The following HACD1 variants were observed in gnomAD, a reference collection of about 807,000 sequenced individuals.
HACD1 encodes the protein 3-hydroxyacyl-CoA dehydratase 1.
HACD1 carries 41 observed loss-of-function variants against 32.0 expected under a neutral mutation model. The ratio of observed to expected loss-of-function variants is 1.28; its 90% confidence interval spans 1.00 to 1.66. The LOEUF (loss-of-function observed/expected upper bound fraction) is 1.66. HACD1 is among the 40% of genes most tolerant of loss of function. HACD1 has a pLI of 0.00. For synonymous variants in HACD1, 142 were observed against 139.0 expected, an observed-to-expected ratio of 1.02 and a Z score of -0.15; for missense variants, 396 against 380.1, an observed-to-expected ratio of 1.04 and a Z score of -0.35.
At position 17,594,535 on chromosome 10, in the gene HACD1, T is replaced by G. The variant is rs45576632; in HGVS notation, c.606-152A>C. 2,114 of 555,718 alleles carry G rather than the reference T, an allele frequency of 3.8e-3. 14 individuals carry two copies. Among genetic ancestry groups the G allele is most frequent in the Non-Finnish European group, 5.0e-3 (1,784 of 358,762 alleles). 34.4% of individuals were successfully genotyped at this position (555,718 alleles called of 1,614,324 possible). A position where few individuals can be genotyped will look rare whatever the true frequency, so the allele number is the denominator to read the frequency against. ...TTACGTAAGGTTAATAGTTCTACTT[T>G]AATCATTTGCTTATTGATTATCATC... On this transcript the variant is annotated intron_variant, in intron 5 of 6. Coordinates refer to ENST00000361271, the MANE Select transcript of HACD1 (RefSeq NM_014241.4).
rs1554816273 is a variant in HACD1, at chr10:17,599,308, T to A, written c.587A>T (p.Tyr196Phe). ...TCGCCACCTGGCCCATTTAATGAAG[T>A]ATGGCAAGTGGTCAAGAAGGCTGAA... Reference protein sequence around the residue: ...YTFSLLDHLPYFIKWARYNFF... With the variant: ...YTFSLLDHLPFFIKWARYNFF... The change falls in exon 5 of 7, where the codon TAC (tyrosine) becomes TTC (phenylalanine). Residue 196 changes from tyrosine (Y) to phenylalanine (F), a missense_variant. Physicochemically the swap from Tyr to Phe is conservative, Grantham distance 22. Coordinates refer to ENST00000361271, the MANE Select transcript of HACD1 (RefSeq NM_014241.4). The A allele has an allele frequency of 3.1e-6, 5 of 1,614,000 alleles. No homozygotes were observed. The Middle Eastern group carries it at 8.2e-4, about 266-fold the overall frequency.
intron 5 of HACD1, chr10:17,599,025 T>C (rs1424071413): frequency 1.5e-5 from 7 of 465,544 alleles, no homozygotes; most frequent in Non-Finnish European, 2.2e-5. Flanking sequence ...CAAAAAAAAA[T>C]GAATGACTAA....
intron 1 of HACD1, among the ~76,000 whole-genome samples, chr10:17,606,571 C>T (rs968511883): frequency 3.9e-5 from 6 of 152,170 alleles, no homozygotes; most frequent in Non-Finnish European, 7.3e-5. Context: ...TCAAAGAACA[C>T]TCATACAGTG....
chr10:17,605,527 GA>G (rs200314155), intron 1 of HACD1, among the ~76,000 whole-genome samples: 36,015 of 126,390 alleles, frequency 0.28, 4,597 homozygotes, highest in African/African-American at 0.32. Flanking sequence ...TCCATCTCGG[GA>G]AAAAAAAAAA....
intron 5 of HACD1, among the ~76,000 whole-genome samples, chr10:17,596,618 T>C (rs1362365026): frequency 1.3e-5 from 2 of 152,050 alleles, no homozygotes; most frequent in African/African-American, 4.8e-5. Context: ...TTGACTTTAC[T>C]TGCACTTCAA....
At chr10:17,603,077 AG>A (rs1554816698) in intron 4 of HACD1, 2 of 153,104 alleles carry the variant, frequency 1.3e-5, no homozygotes, top group African/African-American at 4.8e-5. Context: ...TAGTAGGAAC[AG>A]GGTTTCACCA....
At chr10:17,596,502 A>G (rs1339598837) in intron 5 of HACD1, among the ~76,000 whole-genome samples, 13 of 147,362 alleles carry the variant, frequency 8.8e-5, no homozygotes, top group Admixed American at 6.7e-4. Context: ...TTTTTTTGGC[A>G]GGATTGTTCT....
intron 4 of HACD1, among the ~76,000 whole-genome samples, chr10:17,600,542 T>G (rs1588987310): frequency 6.6e-6 from 1 of 152,044 alleles, no homozygotes; most frequent in Non-Finnish European, 1.5e-5. Flanking sequence ...GCCAGGCTGG[T>G]CTCGAATTCC....
chr10:17,609,610 A>G (rs1834201490), intron 1 of HACD1, among the ~76,000 whole-genome samples: 1 of 152,222 alleles, frequency 6.6e-6, no homozygotes, highest in Non-Finnish European at 1.5e-5. Flanking sequence ...TAAAATTACA[A>G]TGACTGACCA....
Position 17,617,069 on chromosome 10 carries a change from C to G in HACD1, c.257+14G>C, listed in dbSNP as rs956469457. ...GCGCGGGGAGGGCCCGAGGGTGCCC[C>G]GCGGCGCGCGTACCCCGCGGTCATG... On this transcript the variant is annotated intron_variant, in intron 1 of 6. Transcript: ENST00000361271. 1 of 1,471,556 alleles carries G rather than the reference C, an allele frequency of 6.8e-7. No homozygotes were observed. The highest frequency in any genetic ancestry group is 2.4e-5 in the Admixed American group (1 of 41,122). The allele number at this position is 1,471,556 out of a possible 1,614,324, so 91.2% of individuals were successfully genotyped here.
intron 5 of HACD1, among the ~76,000 whole-genome samples, chr10:17,597,484 G>C (rs1448258932): frequency 6.6e-6 from 1 of 151,956 alleles, no homozygotes; most frequent in Non-Finnish European, 1.5e-5. Flanking sequence ...ACATACGATG[G>C]CAGAGTTTTT....
In HACD1 at chr10:17,589,059, A is replaced by G. The variant is rs1457883255; in HGVS notation, c.*1305T>C. 2 of 152,330 alleles carry G rather than the reference A, an allele frequency of 1.3e-5. No homozygotes were observed. The highest frequency in any genetic ancestry group is 3.9e-4 in the East Asian group (2 of 5,190). 9.4% of individuals were successfully genotyped at this position (152,330 alleles called of 1,614,324 possible). A position where few individuals can be genotyped will look rare whatever the true frequency, so the allele number is the denominator to read the frequency against. On this transcript the variant is annotated 3_prime_UTR_variant, in exon 7 of 7. Coordinates refer to ENST00000361271, the MANE Select transcript of HACD1 (RefSeq NM_014241.4). Reference sequence around the variant, plus strand: ...TGGTGTATTTTTTTTATTAAACACAAGGACAGGAACTTTATTACAAGACCT... The same window carrying G: ...TGGTGTATTTTTTTTATTAAACACAGGGACAGGAACTTTATTACAAGACCT...
At chr10:17,600,093 C>A (rs143037560) in intron 4 of HACD1, among the ~76,000 whole-genome samples, 2 of 152,252 alleles carry the variant, frequency 1.3e-5, no homozygotes, top group Non-Finnish European at 2.9e-5. Flanking sequence ...ATTATTCAAC[C>A]CTTCTACCTA....
Position 17,590,095 on chromosome 10 carries a change from AAGTTTT to A in HACD1, c.*263_*268del, listed in dbSNP as rs1224780424. On this transcript the variant is annotated 3_prime_UTR_variant, in exon 7 of 7. Transcript: ENST00000361271. ...GCATGTTTCAAAAAAAACTTAGCAAAAGTTTTTTTTTCCCCCAGATAATACACCTAA... is the reference window on the plus strand; with the variant it reads ...GCATGTTTCAAAAAAAACTTAGCAAATTTTTCCCCCAGATAATACACCTAA... 8.9e-6 allele frequency: 2 copies of A among 225,430 alleles called. No individual in the cohort carries two copies. The highest frequency in any genetic ancestry group is 1.7e-5 in the Non-Finnish European group (2 of 116,386). The allele number at this position is 225,430 out of a possible 1,614,324, so 14.0% of individuals were successfully genotyped here. A position where few individuals can be genotyped will look rare whatever the true frequency, so the allele number is the denominator to read the frequency against.
rs1833907307 is a variant in HACD1, at chr10:17,589,919, TAG to T, written c.*443_*444del. The T allele has an allele frequency of 6.6e-6, 1 of 152,118 alleles. No homozygotes were observed. Among genetic ancestry groups the T allele is most frequent in the African/African-American group, 2.4e-5 (1 of 41,378 alleles). 9.4% of individuals were successfully genotyped at this position (152,118 alleles called of 1,614,324 possible). A position where few individuals can be genotyped will look rare whatever the true frequency, so the allele number is the denominator to read the frequency against. The stretch of plus-strand genomic sequence containing the variant: ...TAATGCTGCCTTATTCCTGAAAAAA[TAG>T]ATTGTGGGTTCAAAAATACCAATAC... On this transcript the variant is annotated 3_prime_UTR_variant, in exon 7 of 7. Coordinates refer to ENST00000361271, the MANE Select transcript of HACD1 (RefSeq NM_014241.4).
At chr10:17,593,574 C>A (rs1833956625) in intron 6 of HACD1, among the ~76,000 whole-genome samples, 2 of 152,218 alleles carry the variant, frequency 1.3e-5, no homozygotes, top group Non-Finnish European at 2.9e-5. Context: ...CTCGGCCTCC[C>A]AAAGTGCTGG....
At chr10:17,611,321 C>A (rs1834232808) in intron 1 of HACD1, among the ~76,000 whole-genome samples, 1 of 152,128 alleles carries the variant, frequency 6.6e-6, no homozygotes, top group Admixed American at 6.5e-5. Context: ...GATGCCTCAA[C>A]AGATGTCTTG....
At chr10:17,607,724 C>T (rs1040181273) in intron 1 of HACD1, among the ~76,000 whole-genome samples, 2 of 152,116 alleles carry the variant, frequency 1.3e-5, no homozygotes, top group African/African-American at 4.8e-5. Flanking sequence ...GTATCATGAT[C>T]GTGCCACTCA....
chr10:17,590,327 G>A lies in HACD1; in HGVS notation c.*37C>T, dbSNP rs1018787407. 2.1e-6 allele frequency: 3 copies of A among 1,429,930 alleles called. No individual in the cohort carries two copies. In the African/African-American group the frequency reaches 4.4e-5, roughly 21 times the overall value. 88.6% of individuals were successfully genotyped at this position (1,429,930 alleles called of 1,614,324 possible). On this transcript the variant is annotated 3_prime_UTR_variant, in exon 7 of 7. Transcript: ENST00000361271. ...TAAAACTTGGACTCAGGTAATCTTG[G>A]TTATTCTGGAAAAAGCACCTTGTTT... is the stretch of plus-strand genomic sequence containing the variant.
Sources: allele counts gnomAD v4.1 joint callset (sites outside exome capture counted in the v4.1 genomes callset), GRCh38; gene constraint gnomAD v4.1.1; transcripts MANE v1.5; gene names NCBI Gene and HGNC (gene_info 2026-07-23, HGNC 2026-07-21).